ANAPC15: variants seen among roughly 807,000 people sequenced by gnomAD.
ANAPC15 encodes the protein anaphase promoting complex subunit 15, also known as anaphase-promoting complex subunit 15.
ANAPC15 carries 13 observed loss-of-function variants against 19.8 expected under a neutral mutation model. The observed-to-expected ratio is 0.66, with a 90% CI of 0.43 to 1.04. The LOEUF (loss-of-function observed/expected upper bound fraction) is 1.04. ANAPC15 is among the 50% of genes least tolerant of loss of function. The pLI is 0.00. For missense variants in ANAPC15, 88 were observed against 150.3 expected (o/e 0.59, Z 2.17); for synonymous variants, 45 against 50.7 (o/e 0.89, Z 0.47).
chr11:72,110,987 G>C (rs1946711670), intron 3 of ANAPC15, among the ~76,000 whole-genome samples, 170 bp downstream of exon 3: 1 of 152,222 alleles, frequency 6.6e-6, no homozygotes, highest in Non-Finnish European at 1.5e-5. Flanking sequence ...CTGTAAAATA[G>C]GGTACCACAA....
At chr11:72,112,491 C>T (rs1947288087) in intron 1 of ANAPC15, 159 bp downstream of exon 1, 1 of 313,828 alleles carries the variant, frequency 3.2e-6, no homozygotes, top group Non-Finnish European at 6.5e-6. Context: ...CGGGGTGGGG[C>T]TTAGTCTCGA....
downstream of ANAPC15, chr11:72,107,952 A>T (rs1268430122): frequency 4.5e-6 from 7 of 1,551,426 alleles, no homozygotes; most frequent in Non-Finnish European, 6.1e-6. Context: ...GGTGGAGGAG[A>T]AGGCCCCTGC....
chr11:72,107,823 T>G, downstream of ANAPC15: 1 of 1,336,030 alleles, frequency 7.5e-7, no homozygotes, highest in Non-Finnish European at 1.0e-6. Flanking sequence ...CCCCGGCTGG[T>G]TGGGAGCTGC....
downstream of ANAPC15, chr11:72,108,846 G>T: frequency 3.2e-6 from 5 of 1,550,488 alleles, no homozygotes; most frequent in Non-Finnish European, 3.5e-6. Flanking sequence ...TACCGCTGCC[G>T]CCTCCACCAC....
chr11:72,110,997 A>G (rs879276724), intron 3 of ANAPC15, among the ~76,000 whole-genome samples, 160 bp downstream of exon 3: 4 of 152,230 alleles, frequency 2.6e-5, no homozygotes, highest in Non-Finnish European at 5.9e-5. Flanking sequence ...GGGTACCACA[A>G]GATGAGAACC....
Position 72,111,213 on chromosome 11 carries a change from G to A in ANAPC15, c.64C>T (p.Arg22Ter), listed in dbSNP as rs1265144473. 1.1e-5 allele frequency: 17 copies of A among 1,613,900 alleles called. No homozygotes were observed. The highest frequency in any genetic ancestry group is 1.4e-5 in the Non-Finnish European group (17 of 1,179,898). The change falls in exon 3 of 6, where the codon CGA (arginine) becomes TGA (stop). Residue 22 changes from arginine (R) to a stop codon, truncating the protein, a stop_gained. Transcript: ENST00000227618. LOFTEE classifies it high-confidence loss of function. Reference sequence around the variant, plus strand: ...AGCTCTGTCTCTTCCACACAGGGTCGATCCAGATTAAACCACAGAGTCTCA... The same window carrying A: ...AGCTCTGTCTCTTCCACACAGGGTCAATCCAGATTAAACCACAGAGTCTCA... ...VTETLWFNLD[R>*]PCVEETELQQ...
chr11:72,111,345 A>G, intron 2 of ANAPC15, 59 bp from the exon 3 acceptor site: 4 of 1,370,906 alleles, frequency 2.9e-6, no homozygotes, highest in Non-Finnish European at 4.1e-6. Flanking sequence ...ATTTGGTTGT[A>G]ATTTGATTTA....
At chr11:72,108,639 T>C (rs1016060561), downstream of ANAPC15, 1 of 1,500,280 alleles carries the variant, frequency 6.7e-7, no homozygotes, top group African/African-American at 1.4e-5. Context: ...GAGGACGTGA[T>C]CCCGTGCCTA....
Position 72,110,537 on chromosome 11 carries a change from C to T in ANAPC15, c.180+7G>A. On this transcript the variant is annotated splice_region_variant and intron_variant, in intron 4 of 5. Transcript: ENST00000227618. The stretch of plus-strand genomic sequence containing the variant: ...CCACACAGGCCCCACCTGCTAGAGC[C>T]ACTCACCTCTGAGGCTGGCTTGCCA... 1 of 1,614,204 alleles carries T rather than the reference C, an allele frequency of 6.2e-7. No individual in the cohort carries two copies. The highest frequency in any genetic ancestry group is 8.5e-7 in the Non-Finnish European group (1 of 1,180,034).
chr11:72,110,689 C>A, intron 3 of ANAPC15, 86 bp from the exon 4 acceptor site: 1 of 1,465,948 alleles, frequency 6.8e-7, no homozygotes, highest in Non-Finnish European at 9.5e-7. Flanking sequence ...GCCCAGAAGA[C>A]AACCCACACG....
Position 72,109,646 on chromosome 11 carries a change from GT to G in ANAPC15, c.*234del. 1.7e-6 allele frequency: 1 copy of G among 604,556 alleles called. No individual in the cohort carries two copies. 37.4% of individuals were successfully genotyped at this position (604,556 alleles called of 1,614,324 possible). A position where few individuals can be genotyped will look rare whatever the true frequency, so the allele number is the denominator to read the frequency against. On this transcript the variant is annotated 3_prime_UTR_variant, in exon 6 of 6. Transcript: ENST00000227618. ...TTAGACCAGACCTGGCAATCAAGGG[GT>G]GAGGTACTGGCCAGGAAGGTGGAGT...
At chr11:72,108,636 T>C, downstream of ANAPC15, 1 of 1,497,136 alleles carries the variant, frequency 6.7e-7, no homozygotes. Context: ...TCAGAGGACG[T>C]GATCCCGTGC....
Position 72,110,072 on chromosome 11 carries a change from C to A in ANAPC15, c.318+16G>T, listed in dbSNP as rs369633633. 3 of 1,614,084 alleles carry A rather than the reference C, an allele frequency of 1.9e-6. No individual in the cohort carries two copies. Among genetic ancestry groups the A allele is most frequent in the East Asian group, 4.5e-5 (2 of 44,782 alleles). ...GGGTCCAGGAACAGAGGCCCTCCCC[C>A]ATACCCCTTGCCTACCTCATTGACC... On this transcript the variant is annotated intron_variant, in intron 5 of 5. Coordinates refer to ENST00000227618, the MANE Select transcript of ANAPC15 (RefSeq NM_014042.3).
intron 1 of ANAPC15, chr11:72,112,376 T>C (rs1043418889): frequency 7.9e-5 from 15 of 188,830 alleles, no homozygotes; most frequent in East Asian, 1.6e-4. Context: ...TTTGGCCTTA[T>C]AGGGTTGCTA....
downstream of ANAPC15, chr11:72,108,952 T>C (rs1946033316): frequency 6.8e-7 from 1 of 1,477,312 alleles, no homozygotes. Flanking sequence ...TACTTACTGA[T>C]GCCCACCCCC....
downstream of ANAPC15, chr11:72,107,361 C>T: frequency 1.5e-6 from 1 of 657,372 alleles, no homozygotes; most frequent in Non-Finnish European, 2.8e-6. Flanking sequence ...CTAACAGAGA[C>T]CTTTCATAAA....
chr11:72,108,644 T>G, downstream of ANAPC15: 1 of 1,504,062 alleles, frequency 6.6e-7, no homozygotes, highest in Non-Finnish European at 8.9e-7. Flanking sequence ...CGTGATCCCG[T>G]GCCTACGCAC....
intron 3 of ANAPC15, 83 bp from the exon 4 acceptor site, chr11:72,110,686 A>AGG: frequency 6.7e-7 from 1 of 1,496,234 alleles, no homozygotes. Flanking sequence ...TCTGCCCAGA[A>AGG]GACAACCCAC....
downstream of ANAPC15, chr11:72,107,910 T>C: frequency 1.9e-6 from 3 of 1,551,586 alleles, no homozygotes; most frequent in Non-Finnish European, 1.7e-6. Context: ...GCAACAGCCA[T>C]CTCCCCTCAT....
Sources: allele counts gnomAD v4.1 joint callset (sites outside exome capture counted in the v4.1 genomes callset), GRCh38; gene constraint gnomAD v4.1.1; transcripts MANE v1.5; gene names NCBI Gene and HGNC (gene_info 2026-07-23, HGNC 2026-07-21).